TBC1D30: variants seen among roughly 807,000 people sequenced by gnomAD.
TBC1D30 encodes TBC1 domain family member 30, also known as TBC1 domain family, member 30.
A neutral mutation model predicts 63.2 loss-of-function variants in TBC1D30; 31 were observed. The observed-to-expected ratio is 0.49, with a 90% confidence interval of 0.37 to 0.66. The LOEUF is 0.66. TBC1D30 is among the 30% of genes least tolerant of loss of function. The pLI is 0.00. For synonymous variants in TBC1D30, 307 were observed against 361.5 expected (o/e 0.85, Z 1.71); for missense variants, 810 against 953.6 (o/e 0.85, Z 1.98).
upstream of TBC1D30, among the ~76,000 whole-genome samples, chr12:64,822,320 A>G (rs11830732): frequency 0.012 from 1,753 of 151,918 alleles, 47 homozygotes; most frequent in African/African-American, 0.04. Flanking sequence ...AGCTAGGACT[A>G]CAGGCATACA....
chr12:64,815,087 G>A (rs888182410), intron 2 of TBC1D30, among the ~76,000 whole-genome samples: 3 of 152,058 alleles, frequency 2.0e-5, no homozygotes, highest in Non-Finnish European at 4.4e-5. Context: ...ATCCCTTTAC[G>A]TTCACTCCTC....
At chr12:64,844,154 A>G (rs988812481) in intron 8 of TBC1D30, among the ~76,000 whole-genome samples, 4 of 152,162 alleles carry the variant, frequency 2.6e-5, no homozygotes, top group Non-Finnish European at 4.4e-5. Flanking sequence ...GATAAAAAAG[A>G]TTATTCTCAT....
At position 64,876,796 on chromosome 12, in the gene TBC1D30, A is replaced by G. The variant is rs1879117439; in HGVS notation, c.*1008A>G. 2.2e-6 allele frequency: 1 copy of G among 455,952 alleles called. No homozygotes were observed. The highest frequency in any genetic ancestry group is 2.4e-5 in the Admixed American group (1 of 42,552). The allele number at this position is 455,952 out of a possible 1,614,324, so 28.2% of individuals were successfully genotyped here. A position where few individuals can be genotyped will look rare whatever the true frequency, so the allele number is the denominator to read the frequency against. On this transcript the variant is annotated 3_prime_UTR_variant, in exon 12 of 12. Transcript: ENST00000539867. ...ACTGCCTTTCTCTGGAGAAGGCCCC[A>G]GTGCTTTCTAGCTCCCTCTCACTCC...
At chr12:64,789,755 T>C (rs1871816222) in intron 2 of TBC1D30, among the ~76,000 whole-genome samples, 1 of 152,126 alleles carries the variant, frequency 6.6e-6, no homozygotes, top group South Asian at 2.1e-4. Flanking sequence ...ACAAGATCAA[T>C]ATTGTATTAT....
At chr12:64,855,869 G>C (rs999469931) in intron 8 of TBC1D30, among the ~76,000 whole-genome samples, 3 of 152,288 alleles carry the variant, frequency 2.0e-5, no homozygotes, top group South Asian at 4.1e-4. Context: ...GTTCTCTTGT[G>C]TCTGGACATT....
upstream of TBC1D30, among the ~76,000 whole-genome samples, chr12:64,819,998 C>A (rs1253677884): frequency 2.0e-5 from 3 of 152,294 alleles, no homozygotes; most frequent in South Asian, 2.1e-4. Flanking sequence ...TGCCAGGGAA[C>A]TCCGCAGCTG....
At chr12:64,836,325 T>C (rs1875346843) in intron 5 of TBC1D30, among the ~76,000 whole-genome samples, 165 bp from the exon 6 acceptor site, 1 of 152,208 alleles carries the variant, frequency 6.6e-6, no homozygotes, top group Non-Finnish European at 1.5e-5. Flanking sequence ...CTAGCCAGGC[T>C]GTAGGAGAGC....
At chr12:64,857,243 G>A (rs1342310871) in intron 8 of TBC1D30, among the ~76,000 whole-genome samples, 3 of 152,174 alleles carry the variant, frequency 2.0e-5, no homozygotes, top group Non-Finnish European at 4.4e-5. Context: ...CGGGCCCATG[G>A]CATACTCCCT....
rs920261022 is a variant in TBC1D30 at position 64,781,202 on chromosome 12, A to C, written c.394A>C (p.Ser132Arg). The change falls in exon 1 of 13, where the codon AGC becomes CGC. Residue 132 changes from serine to arginine, a missense_variant. Transcript: ENST00000542120. ...CTCCGACGTGGTCCTGGGCGGCCGC[A>C]GCGGTGCCGGCGACTCCCGCGTGCT... is the stretch of plus-strand genomic sequence containing the variant. 29 of 1,099,970 alleles carry C rather than the reference A, an allele frequency of 2.6e-5. No homozygotes were observed. The African/African-American group carries it at 5.0e-4, about 19-fold the overall frequency. The allele number at this position is 1,099,970 out of a possible 1,614,324, so 68.1% of individuals were successfully genotyped here.
Position 64,825,126 on chromosome 12 carries a change from G to C in TBC1D30, c.154+93G>C. ...AGCCTGACTCCGTCTAGGCCGGGGA[G>C]CTCTGGGGAAAGTCCGCGTGCCACC... On this transcript the variant is annotated intron_variant, in intron 1 of 11. Transcript: ENST00000539867. 2.1e-6 allele frequency: 3 copies of C among 1,432,148 alleles called. No individual in the cohort carries two copies. The African/African-American group carries it at 4.3e-5, about 21-fold the overall frequency. 88.7% of individuals were successfully genotyped at this position (1,432,148 alleles called of 1,614,324 possible).
At chr12:64,837,937 T>C (rs764104561) in intron 6 of TBC1D30, among the ~76,000 whole-genome samples, 5 of 152,068 alleles carry the variant, frequency 3.3e-5, no homozygotes, top group Admixed American at 6.6e-5. Context: ...AAAATGAATA[T>C]AGGAAAACAG....
chr12:64,830,586 G>A, intron 4 of TBC1D30, 84 bp downstream of exon 4: 1 of 1,232,844 alleles, frequency 8.1e-7, no homozygotes, highest in Non-Finnish European at 1.1e-6. Context: ...AGGATCAAAT[G>A]ATCTCTACCT....
intron 8 of TBC1D30, among the ~76,000 whole-genome samples, chr12:64,861,871 A>T (rs776230256): frequency 6.6e-6 from 1 of 152,086 alleles, no homozygotes; most frequent in Admixed American, 6.5e-5. Context: ...TTTCCTTTGC[A>T]CCCACTCTGT....
chr12:64,818,314 T>G, intron 2 of TBC1D30: 1 of 823,712 alleles, frequency 1.2e-6, no homozygotes, highest in Non-Finnish European at 1.5e-6. Flanking sequence ...GGGAAAACAT[T>G]GCAACATATA....
chr12:64,866,889 A>C lies in TBC1D30; in HGVS notation c.1277A>C (p.Gln426Pro), dbSNP rs1440155898. 8 of 1,535,762 alleles carry C rather than the reference A, an allele frequency of 5.2e-6. No homozygotes were observed. The highest frequency in any genetic ancestry group is 1.2e-5 in the South Asian group (1 of 84,020). The part of the protein sequence containing the change: ...GFLAPELQKY[Q>P]KQIKEPNEEQ... Reference sequence around the variant, plus strand: ...CTGGCTCCTGAACTGCAGAAGTACCAAAAACAAATTAAAGGTAAAGAGGTG... The same window carrying C: ...CTGGCTCCTGAACTGCAGAAGTACCCAAAACAAATTAAAGGTAAAGAGGTG... The change falls in exon 10 of 12, where the codon CAA becomes CCA. Residue 426 changes from glutamine (Q) to proline (P), a missense_variant. Physicochemically the swap from Gln to Pro is moderately conservative, Grantham distance 76. Around this residue, in one of 4 missense-constraint regions of TBC1D30, gnomAD observed 450 missense variants for 473.0 expected, o/e 0.95. Transcript: ENST00000539867.
chr12:64,821,443 A>G (rs1444731697), upstream of TBC1D30, among the ~76,000 whole-genome samples: 2 of 152,160 alleles, frequency 1.3e-5, no homozygotes, highest in Non-Finnish European at 2.9e-5. Context: ...TTGCCTAGTG[A>G]TGGAAACCGA....
intron 8 of TBC1D30, among the ~76,000 whole-genome samples, chr12:64,844,215 A>G (rs940913861): frequency 2.0e-5 from 3 of 152,214 alleles, no homozygotes; most frequent in African/African-American, 7.2e-5. Context: ...AGGTAATTAT[A>G]TATTAATCAT....
Position 64,780,925 on chromosome 12 carries a change from TC to T in TBC1D30, c.122del (p.Pro41GlnfsTer42), listed in dbSNP as rs1213378748. 2.9e-6 allele frequency: 3 copies of T among 1,038,596 alleles called. No individual in the cohort carries two copies. The highest frequency in any genetic ancestry group is 2.3e-6 in the Non-Finnish European group (2 of 858,080). The allele number at this position is 1,038,596 out of a possible 1,614,324, so 64.3% of individuals were successfully genotyped here. ...AGGAGGAAGAAACGATTCCTGCAGC[TC>T]CCCCAGCCCCGCGCCTCCGGGGAGC... On this transcript the variant is annotated frameshift_variant, in exon 1 of 13. Transcript: ENST00000542120. LOFTEE classifies it high-confidence loss of function.
At chr12:64,826,292 G>A (rs527336367) in intron 1 of TBC1D30, among the ~76,000 whole-genome samples, 3 of 152,164 alleles carry the variant, frequency 2.0e-5, no homozygotes, top group Non-Finnish European at 2.9e-5. Context: ...ATCATGAGAG[G>A]ATAGTTGTGG....
Sources: gnomAD v4.1 joint callset for allele counts (sites outside exome capture counted in the v4.1 genomes callset) on GRCh38, gnomAD v4.1.1 for gene constraint, gnomAD v4.1.1 regional missense constraint, MANE v1.5 for transcripts, NCBI Gene and HGNC (gene_info 2026-07-23, HGNC 2026-07-21) for gene names.